SMAD1: variants seen among roughly 807,000 people sequenced by gnomAD.
The protein encoded by SMAD1 is MAD, mothers against decapentaplegic homolog 1.
In SMAD1, 6 loss-of-function variants were observed where a neutral mutation model predicts 41.6. The observed-to-expected ratio is 0.14, with a 90% CI of 0.08 to 0.28. SMAD1 has a LOEUF of 0.28. Among genes scored for constraint, SMAD1 ranks in the 10% least tolerant of loss-of-function variants. The pLI is 1.00. For missense variants in SMAD1, 379 were observed against 582.6 expected, an observed-to-expected ratio of 0.65 and a Z score of 3.60; for synonymous variants, 206 against 203.2, an observed-to-expected ratio of 1.01 and a Z score of -0.12.
At chr4:145,545,515 C>G (rs145226203) in intron 4 of SMAD1, 15 of 148,564 alleles carry the variant, frequency 1.0e-4, no homozygotes, top group Non-Finnish European at 2.1e-4. Context: ...AAGCGACTAA[C>G]TTATGTGTGG....
chr4:145,492,587 T>C (rs1728829724), intron 1 of SMAD1, among the ~76,000 whole-genome samples: 2 of 152,334 alleles, frequency 1.3e-5, no homozygotes, highest in Admixed American at 1.3e-4. Context: ...CTTGGTTTTT[T>C]ATAGGGCTTC....
intron 1 of SMAD1, among the ~76,000 whole-genome samples, chr4:145,486,064 T>C (rs990223159): frequency 6.6e-6 from 1 of 152,226 alleles, no homozygotes. Flanking sequence ...AAATCATCAT[T>C]GTTCTGCTGT....
chr4:145,558,422 G>T lies in SMAD1; in HGVS notation c.*488G>T, dbSNP rs992609481. On this transcript the variant is annotated 3_prime_UTR_variant, in exon 7 of 7. Coordinates refer to ENST00000302085, the MANE Select transcript of SMAD1 (RefSeq NM_005900.3). ...AAACTATTTGTTTAGCGATGGTTTT[G>T]TTCGTTTAAGTAAAGGTTAATCTTG... 2.6e-5 allele frequency among the ~76,000 whole-genome samples: 4 copies of T among 152,112 alleles called. No individual in the cohort carries two copies. Among genetic ancestry groups the T allele is most frequent in the African/African-American group, 9.7e-5 (4 of 41,424 alleles).
chr4:145,512,529 A>G (rs1484691190), intron 1 of SMAD1, among the ~76,000 whole-genome samples: 2 of 152,022 alleles, frequency 1.3e-5, no homozygotes, highest in Non-Finnish European at 2.9e-5. Context: ...AGTTCATCCT[A>G]TTTAAAGTCT....
chr4:145,511,159 A>G (rs969846694), intron 1 of SMAD1, among the ~76,000 whole-genome samples: 8 of 152,180 alleles, frequency 5.3e-5, no homozygotes, highest in African/African-American at 1.9e-4. Context: ...TAGTTGTCAT[A>G]TTTTAGTCAT....
chr4:145,518,811 A>G (rs1730565101), intron 2 of SMAD1, among the ~76,000 whole-genome samples: 1 of 126,074 alleles, frequency 7.9e-6, no homozygotes, highest in African/African-American at 2.5e-5. Flanking sequence ...GGTTTAGAGT[A>G]GTGGTTTTCA....
At chr4:145,526,097 G>T (rs1731003342) in intron 2 of SMAD1, among the ~76,000 whole-genome samples, 1 of 152,164 alleles carries the variant, frequency 6.6e-6, no homozygotes, top group Non-Finnish European at 1.5e-5. Flanking sequence ...CTAAATTGTG[G>T]CCTGGCGTGG....
chr4:145,517,691 T>G (rs1220677589), intron 2 of SMAD1, among the ~76,000 whole-genome samples: 1 of 70,172 alleles, frequency 1.4e-5, no homozygotes, highest in Non-Finnish European at 5.4e-5. Context: ...TCAGTTTATC[T>G]ATACCTTTTG....
At chr4:145,536,184 T>G (rs1304966529) in intron 2 of SMAD1, among the ~76,000 whole-genome samples, 1 of 151,794 alleles carries the variant, frequency 6.6e-6, no homozygotes, top group Non-Finnish European at 1.5e-5. Flanking sequence ...CCCTGTGGAG[T>G]TGGCTTAACA....
At chr4:145,527,209 A>G (rs1409333114) in intron 2 of SMAD1, among the ~76,000 whole-genome samples, 2 of 150,974 alleles carry the variant, frequency 1.3e-5, no homozygotes, top group East Asian at 1.9e-4. Flanking sequence ...ATCACTTACC[A>G]TCTATTCTCA....
intron 2 of SMAD1, among the ~76,000 whole-genome samples, chr4:145,531,070 C>T (rs1388642307): frequency 6.6e-6 from 1 of 152,314 alleles, no homozygotes; most frequent in East Asian, 1.9e-4. Context: ...ATATTATAGA[C>T]CCTCCGTACT....
Position 145,539,910 on chromosome 4 carries a change from C to T in SMAD1, c.507C>T (p.Asn169=), listed in dbSNP as rs764465100. The change falls in exon 3 of 7, where the codon AAC becomes AAT. Residue 169 remains asparagine, a synonymous_variant. Transcript: ENST00000302085. ...LGQNEPHMPL[N]ATFPDSFQQP... ...AAAATGAGCCTCACATGCCACTCAA[C>T]GCCACTTTTCCAGATTCTTTCCAGC... 22 of 1,613,908 alleles carry T rather than the reference C, an allele frequency of 1.4e-5. No individual in the cohort carries two copies. The East Asian group carries it at 1.8e-4, about 13-fold the overall frequency.
chr4:145,497,272 G>C (rs376814570), intron 1 of SMAD1: 4 of 152,176 alleles, frequency 2.6e-5, no homozygotes, highest in African/African-American at 9.6e-5. Context: ...TCCACTGTAG[G>C]GTAAGTAACA....
chr4:145,500,259 A>T (rs1385532438), intron 1 of SMAD1, among the ~76,000 whole-genome samples: 1 of 152,078 alleles, frequency 6.6e-6, no homozygotes, highest in Non-Finnish European at 1.5e-5. Context: ...AAGTTGGATG[A>T]TGGCTCTCCT....
At chr4:145,546,442 T>C in intron 4 of SMAD1, 1 of 465,700 alleles carries the variant, frequency 2.1e-6, no homozygotes, top group East Asian at 3.6e-5. Flanking sequence ...GTTTTTGCTG[T>C]GCTTCCTTAG....
At position 145,552,820 on chromosome 4, in the gene SMAD1, T is replaced by TA. The variant is rs1283965608; in HGVS notation, c.998-964_998-963insA. On this transcript the variant is annotated intron_variant, in intron 5 of 6. Transcript: ENST00000302085. The stretch of plus-strand genomic sequence containing the variant: ...CATCCAGGTTTTATTATGCTATCTT[T>TA]TTAGAGTGAAAATATACTTTCAATG... 3.5e-4 allele frequency among the ~76,000 whole-genome samples: 54 copies of TA among 152,320 alleles called. 1 individual carries two copies. Among genetic ancestry groups the TA allele is most frequent in the Admixed American group, 1.1e-3 (17 of 15,294 alleles).
chr4:145,536,896 G>C (rs1189332145), intron 2 of SMAD1, among the ~76,000 whole-genome samples: 1 of 152,024 alleles, frequency 6.6e-6, no homozygotes, highest in African/African-American at 2.4e-5. Flanking sequence ...CTGTGCATGT[G>C]AACTGAGAAG....
At chr4:145,553,626 G>C (rs940979260) in intron 5 of SMAD1, among the ~76,000 whole-genome samples, 158 bp from the exon 6 acceptor site, 1 of 152,092 alleles carries the variant, frequency 6.6e-6, no homozygotes, top group Non-Finnish European at 1.5e-5. Flanking sequence ...ATGGCCCCGG[G>C]GGTTGGGAAC....
intron 5 of SMAD1, among the ~76,000 whole-genome samples, chr4:145,551,299 A>G (rs1215287516): frequency 2.0e-5 from 3 of 152,214 alleles, no homozygotes; most frequent in African/African-American, 4.8e-5. Context: ...AGGCTGGGAA[A>G]GAGAAACCCT....
Sources: gnomAD v4.1 joint callset for allele counts (sites outside exome capture counted in the v4.1 genomes callset) on GRCh38, gnomAD v4.1.1 for gene constraint, MANE v1.5 for transcripts, NCBI Gene and HGNC (gene_info 2026-07-23, HGNC 2026-07-21) for gene names.